The following EBF1 variants were observed in gnomAD, a reference collection of about 807,000 sequenced individuals.
EBF1 encodes the protein EBF transcription factor 1.
Under a neutral mutation model 68.4 loss-of-function variants are expected in EBF1, and 10 were observed. The ratio of observed to expected loss-of-function variants is 0.15; its 90% CI spans 0.09 to 0.25. The LOEUF is 0.25. EBF1 is among the 10% of genes least tolerant of loss of function. The pLI is 1.00. For missense variants in EBF1, 509 were observed against 794.4 expected (o/e 0.64, Z 4.32); for synonymous variants, 298 against 299.8 (o/e 0.99, Z 0.06).
At chr5:159,065,901 C>T (rs183898137) in intron 6 of EBF1, among the ~76,000 whole-genome samples, 14 of 152,190 alleles carry the variant, frequency 9.2e-5, no homozygotes, top group South Asian at 6.2e-4. Flanking sequence ...TGTAGCTTAT[C>T]GGGCCTCTGT....
At chr5:158,918,523 G>C (rs1292030721) in intron 6 of EBF1, among the ~76,000 whole-genome samples, 1 of 147,216 alleles carries the variant, frequency 6.8e-6, no homozygotes, top group Non-Finnish European at 1.5e-5. Flanking sequence ...GAATTAGTAA[G>C]AGATAAAGAG....
chr5:158,713,302 A>G (rs1018726967), intron 12 of EBF1, among the ~76,000 whole-genome samples, 155 bp from the exon 13 acceptor site: 5 of 152,192 alleles, frequency 3.3e-5, no homozygotes, highest in Admixed American at 1.3e-4. Context: ...TAGTCTCACC[A>G]TCATCATGCC....
At chr5:158,722,429 G>A (rs569900215) in intron 11 of EBF1, among the ~76,000 whole-genome samples, 179 of 152,326 alleles carry the variant, frequency 1.2e-3, no homozygotes, top group East Asian at 1.7e-3. Flanking sequence ...TAAAAGTAGA[G>A]GGACTGCTCA....
intron 6 of EBF1, among the ~76,000 whole-genome samples, chr5:159,034,223 T>A (rs1358954285): frequency 6.6e-6 from 1 of 152,176 alleles, no homozygotes; most frequent in African/African-American, 2.4e-5. Flanking sequence ...TTAATCTTGA[T>A]TGCAAAATCA....
chr5:158,708,095 A>G lies in EBF1; in HGVS notation c.1628T>C (p.Phe543Ser). The change falls in exon 15 of 16, where the codon TTC becomes TCC. Residue 543 changes from phenylalanine to serine, a missense_variant. Physicochemically the swap from Phe to Ser is radical, Grantham distance 155. Coordinates refer to ENST00000313708, the MANE Select transcript of EBF1 (RefSeq NM_024007.5). ...GGCTGAGACCATGTTGGCTGGTGAG[A>G]AGGAGAAGATGCCCGAGGAGCTGCT... ...NCSSSSGIFS[F>S]SPANMVSAVK... The G allele has an allele frequency of 6.3e-7, 1 of 1,583,052 alleles. No individual in the cohort carries two copies. Among genetic ancestry groups the G allele is most frequent in the Non-Finnish European group, 8.6e-7 (1 of 1,163,948 alleles).
At chr5:158,838,321 C>T (rs1469415780) in intron 7 of EBF1, among the ~76,000 whole-genome samples, 1 of 151,728 alleles carries the variant, frequency 6.6e-6, no homozygotes, top group African/African-American at 2.4e-5. Flanking sequence ...TGGTGGGTGC[C>T]TGTAGTCCCA....
intron 6 of EBF1, among the ~76,000 whole-genome samples, chr5:158,981,293 G>T (rs1757851379): frequency 6.6e-6 from 1 of 152,120 alleles, no homozygotes; most frequent in Non-Finnish European, 1.5e-5. Flanking sequence ...AAAATAGAAG[G>T]TTGTTTTCAT....
rs536632007 is a variant in EBF1, at chr5:158,891,635, T to C, written c.555-51525A>G. ...ATGCATATATATGTGTGTGTGTGTA[T>C]GTCTATGTGTATATATGTGTGTAAA... On this transcript the variant is annotated intron_variant, in intron 6 of 15. Transcript: ENST00000313708. Among the ~76,000 whole-genome samples the C allele has an allele frequency of 6.6e-5, 10 of 152,276 alleles. No individual in the cohort carries two copies. In the South Asian group the frequency reaches 2.1e-3, roughly 32 times the overall value.
chr5:158,934,698 T>C (rs1419894573), intron 6 of EBF1, among the ~76,000 whole-genome samples: 1 of 152,240 alleles, frequency 6.6e-6, no homozygotes, highest in Non-Finnish European at 1.5e-5. Context: ...TCCCACAAGT[T>C]ATTTAGTCAA....
intron 4 of EBF1, among the ~76,000 whole-genome samples, chr5:159,091,011 G>T (rs1781524734): frequency 6.6e-6 from 1 of 152,022 alleles, no homozygotes; most frequent in South Asian, 2.1e-4. Flanking sequence ...GATCATTCTT[G>T]CTCAACAACT....
intron 6 of EBF1, among the ~76,000 whole-genome samples, chr5:158,869,993 A>G (rs1796601623): frequency 6.6e-6 from 1 of 152,170 alleles, no homozygotes; most frequent in Non-Finnish European, 1.5e-5. Flanking sequence ...TATGCCAAAT[A>G]CTCATAAAGA....
chr5:158,759,392 A>G (rs184172591), intron 10 of EBF1, among the ~76,000 whole-genome samples: 1 of 152,304 alleles, frequency 6.6e-6, no homozygotes, highest in African/African-American at 2.4e-5. Flanking sequence ...GATCTGCTAC[A>G]ATGACATGAA....
chr5:158,779,261 T>C (rs1775926127), intron 9 of EBF1, among the ~76,000 whole-genome samples: 1 of 152,026 alleles, frequency 6.6e-6, no homozygotes, highest in Admixed American at 6.6e-5. Flanking sequence ...GAAAACAGAA[T>C]CTTAAAATTA....
intron 7 of EBF1, among the ~76,000 whole-genome samples, chr5:158,838,325 A>G (rs1789318066): frequency 2.0e-5 from 3 of 151,862 alleles, no homozygotes; most frequent in Middle Eastern, 3.4e-3. Flanking sequence ...GGGTGCCTGT[A>G]GTCCCAGCTA....
At chr5:158,814,511 C>A (rs1225208306) in intron 8 of EBF1, among the ~76,000 whole-genome samples, 1 of 152,118 alleles carries the variant, frequency 6.6e-6, no homozygotes, top group African/African-American at 2.4e-5. Context: ...CTCAACCAAC[C>A]AAATACTGGA....
At position 158,858,067 on chromosome 5, in the gene EBF1, G is replaced by T. The variant is rs1044788784; in HGVS notation, c.555-17957C>A. Among the ~76,000 whole-genome samples, 18 of 152,158 alleles carry T rather than the reference G, an allele frequency of 1.2e-4. No homozygotes were observed. The South Asian group carries it at 3.1e-3, about 26-fold the overall frequency. On this transcript the variant is annotated intron_variant, in intron 6 of 15. Coordinates refer to ENST00000313708, the MANE Select transcript of EBF1 (RefSeq NM_024007.5). ...TTTATTCATTTGAATAAGCATAAAA[G>T]GTGCACCATAAGGTCTGTCATAGTT... is the stretch of plus-strand genomic sequence containing the variant.
At chr5:158,790,928 T>C (rs959929470) in intron 9 of EBF1, among the ~76,000 whole-genome samples, 2 of 152,190 alleles carry the variant, frequency 1.3e-5, no homozygotes, top group African/African-American at 4.8e-5. Context: ...AAGTGTGCTC[T>C]GAAAGAAAAG....
chr5:158,739,672 A>G (rs1209927072), intron 10 of EBF1, among the ~76,000 whole-genome samples: 1 of 152,188 alleles, frequency 6.6e-6, no homozygotes, highest in Admixed American at 6.5e-5. Context: ...CTTTCTTAAC[A>G]TTTAAGGATA....
intron 14 of EBF1, among the ~76,000 whole-genome samples, chr5:158,710,885 A>G (rs1450709859): frequency 2.0e-5 from 3 of 152,212 alleles, no homozygotes; most frequent in Non-Finnish European, 4.4e-5. Flanking sequence ...GTTTGGCCAC[A>G]TTTTACACAT....
Sources: gnomAD v4.1 joint callset for allele counts (sites outside exome capture counted in the v4.1 genomes callset) on GRCh38, gnomAD v4.1.1 for gene constraint, MANE v1.5 for transcripts, NCBI Gene and HGNC (gene_info 2026-07-23, HGNC 2026-07-21) for gene names.